Variants in SMPD3 observed in about 807,000 individuals in gnomAD.
The protein encoded by SMPD3 is nSMase-2.
A neutral mutation model predicts 55.7 loss-of-function variants in SMPD3; 21 were observed. The ratio of observed to expected loss-of-function variants is 0.38; its 90% CI spans 0.27 to 0.54. The LOEUF is 0.54. Among genes scored for constraint, SMPD3 ranks in the 20% least tolerant of loss-of-function variants. The pLI, the probability that SMPD3 is intolerant of heterozygous loss-of-function variation, is 0.80. For missense variants in SMPD3, 842 were observed against 899.6 expected (o/e 0.94, Z 0.82); for synonymous variants, 457 against 404.3 (o/e 1.13, Z -1.56).
Position 68,364,743 on chromosome 16 carries a change from G to A in SMPD3, c.1555+8C>T, listed in dbSNP as rs375802824. On this transcript the variant is annotated splice_region_variant and intron_variant, in intron 5 of 8. Coordinates refer to ENST00000219334, the MANE Select transcript of SMPD3 (RefSeq NM_018667.4). ...TGGAGACCTGAGTGGGGAGGAGCCC[G>A]GCCTCACCAGAGGAGCAGTTATCAA... 67 of 1,609,920 alleles carry A rather than the reference G, an allele frequency of 4.2e-5. No individual in the cohort carries two copies. Among genetic ancestry groups the A allele is most frequent in the East Asian group, 1.6e-4 (7 of 44,870 alleles).
intron 1 of SMPD3, among the ~76,000 whole-genome samples, chr16:68,387,602 C>T (rs1007243361): frequency 6.6e-6 from 1 of 152,230 alleles, no homozygotes; most frequent in East Asian, 1.9e-4. Flanking sequence ...GCTCCGGGGC[C>T]CGCCCCCTGT....
At chr16:68,446,312 C>A (rs1296862976) in intron 1 of SMPD3, among the ~76,000 whole-genome samples, 4 of 152,180 alleles carry the variant, frequency 2.6e-5, no homozygotes, top group Admixed American at 1.3e-4. Context: ...ACTTACTGGG[C>A]CTTTCGCAGG....
In SMPD3 at chr16:68,432,114, G is replaced by A. The variant is rs531746375; in HGVS notation, c.-269+16239C>T. ...GGGTGGCACAGCAAGACTCTGTCTCGCAAAAAAAAAAAAGAAAAGAAAAAA... is the reference window on the plus strand; with the variant it reads ...GGGTGGCACAGCAAGACTCTGTCTCACAAAAAAAAAAAAGAAAAGAAAAAA... On this transcript the variant is annotated intron_variant, in intron 1 of 8. Coordinates refer to ENST00000219334, the MANE Select transcript of SMPD3 (RefSeq NM_018667.4). 2.3e-4 allele frequency among the ~76,000 whole-genome samples: 34 copies of A among 151,088 alleles called. No individual in the cohort carries two copies. In the South Asian group the frequency reaches 3.1e-3, roughly 14 times the overall value.
At chr16:68,405,652 G>C (rs2090249193) in intron 1 of SMPD3, among the ~76,000 whole-genome samples, 2 of 151,734 alleles carry the variant, frequency 1.3e-5, no homozygotes, top group Non-Finnish European at 2.9e-5. Context: ...ACTATACTCA[G>C]ATGAAAATAG....
intron 1 of SMPD3, among the ~76,000 whole-genome samples, chr16:68,446,084 C>T (rs1204293866): frequency 6.6e-6 from 1 of 152,216 alleles, no homozygotes; most frequent in African/African-American, 2.4e-5. Context: ...GTCCTGCACC[C>T]ACATCATAAG....
chr16:68,367,115 C>A (rs1597594606), intron 3 of SMPD3, among the ~76,000 whole-genome samples: 1 of 152,174 alleles, frequency 6.6e-6, no homozygotes, highest in East Asian at 1.9e-4. Context: ...TTGCAGTGAG[C>A]CAAGATCGCC....
chr16:68,439,291 C>T (rs756558192), intron 1 of SMPD3, among the ~76,000 whole-genome samples: 1 of 152,174 alleles, frequency 6.6e-6, no homozygotes, highest in Non-Finnish European at 1.5e-5. Flanking sequence ...GTTACTCCAG[C>T]CCCCGTTCCT....
At chr16:68,410,503 G>A (rs1046383506) in intron 1 of SMPD3, among the ~76,000 whole-genome samples, 3 of 152,162 alleles carry the variant, frequency 2.0e-5, no homozygotes, top group East Asian at 1.9e-4. Flanking sequence ...CTATTTCTAT[G>A]TGCTAAATCT....
intron 1 of SMPD3, among the ~76,000 whole-genome samples, chr16:68,438,752 A>G (rs1239543254): frequency 6.6e-6 from 1 of 152,132 alleles, no homozygotes; most frequent in Non-Finnish European, 1.5e-5. Context: ...CTTGAAGACC[A>G]AGCATAAGAC....
chr16:68,406,586 C>T (rs1409089068), intron 1 of SMPD3, among the ~76,000 whole-genome samples: 2 of 152,200 alleles, frequency 1.3e-5, no homozygotes, highest in Admixed American at 1.3e-4. Context: ...CAAATAGCTC[C>T]GTGTCCATTC....
chr16:68,381,194 G>A (rs928411474), intron 2 of SMPD3, among the ~76,000 whole-genome samples: 12 of 152,172 alleles, frequency 7.9e-5, no homozygotes, highest in Non-Finnish European at 1.2e-4. Flanking sequence ...TTGAGGCCCC[G>A]TCCTGGACCC....
chr16:68,418,602 C>A (rs972428867), intron 1 of SMPD3, among the ~76,000 whole-genome samples: 2 of 152,166 alleles, frequency 1.3e-5, no homozygotes, highest in Admixed American at 1.3e-4. Context: ...ACATCACATC[C>A]CCCTGCAGGC....
At chr16:68,424,211 T>C (rs1031345601) in intron 1 of SMPD3, among the ~76,000 whole-genome samples, 2 of 151,572 alleles carry the variant, frequency 1.3e-5, no homozygotes, top group Non-Finnish European at 2.9e-5. Context: ...AGTACTGCCA[T>C]GTCCTTACTC....
chr16:68,414,301 T>C (rs2090323068), intron 1 of SMPD3, among the ~76,000 whole-genome samples: 1 of 152,248 alleles, frequency 6.6e-6, no homozygotes, highest in Non-Finnish European at 1.5e-5. Context: ...AGCCTCACTT[T>C]CCTCTTTATT....
chr16:68,395,366 C>G (rs866918195), intron 1 of SMPD3, among the ~76,000 whole-genome samples: 1 of 152,186 alleles, frequency 6.6e-6, no homozygotes, highest in Non-Finnish European at 1.5e-5. Context: ...ACTAGTTTTT[C>G]GAGTGACAGA....
chr16:68,391,709 G>A (rs374705093), intron 1 of SMPD3, among the ~76,000 whole-genome samples: 6 of 152,132 alleles, frequency 3.9e-5, no homozygotes, highest in East Asian at 3.9e-4. Context: ...GAAGAGAGAA[G>A]GGTCACATAT....
At chr16:68,431,866 G>A (rs893810108) in intron 1 of SMPD3, among the ~76,000 whole-genome samples, 10 of 152,168 alleles carry the variant, frequency 6.6e-5, no homozygotes, top group African/African-American at 2.4e-4. Flanking sequence ...AGGTTGCAGT[G>A]AGCTGAGATC....
At chr16:68,445,855 G>A (rs2090605348) in intron 1 of SMPD3, among the ~76,000 whole-genome samples, 1 of 152,194 alleles carries the variant, frequency 6.6e-6, no homozygotes, top group South Asian at 2.1e-4. Context: ...TGAAATCAGG[G>A]TCACTTATTG....
rs778977627 is a variant in SMPD3 at position 68,371,155 on chromosome 16, C to T, written c.1027G>A (p.Glu343Lys). The T allele has an allele frequency of 2.3e-5, 37 of 1,613,592 alleles. No homozygotes were observed. The Middle Eastern group carries it at 6.6e-4, about 29-fold the overall frequency. The change falls in exon 3 of 9, where the codon GAG becomes AAG. Residue 343 changes from glutamate to lysine, a missense_variant. Glu to Lys is a moderately conservative substitution (Grantham distance 56). This residue lies in a region of SMPD3 where 649 missense variants were observed against 643.6 expected (regional missense o/e 1.01). Coordinates refer to ENST00000219334, the MANE Select transcript of SMPD3 (RefSeq NM_018667.4). ...GCGGAGACCTCATGGTCGAAGGCCT[C>T]GTCGGGGTGCCGCCTCCTGCGTGCA... ...AAARRRRHPDEAFDHEVSAFF... is the reference protein window; with the variant it reads ...AAARRRRHPDKAFDHEVSAFF...
Sources: allele counts gnomAD v4.1 joint callset (sites outside exome capture counted in the v4.1 genomes callset), GRCh38; gene constraint gnomAD v4.1.1; regional missense constraint gnomAD v4.1.1; transcripts MANE v1.5; gene names NCBI Gene and HGNC (gene_info 2026-07-23, HGNC 2026-07-21).